Variants in MPP7 observed in about 807,000 individuals in gnomAD.
The protein encoded by MPP7 is MAGUK p55 subfamily member 7.
In MPP7, 60 loss-of-function variants were observed where a neutral mutation model predicts 76.5. That is an observed-to-expected ratio of 0.78 (90% CI 0.64 to 0.97). The LOEUF (loss-of-function observed/expected upper bound fraction) is 0.97, where lower values mean the gene tolerates loss of function less well. Among genes scored for constraint, MPP7 ranks in the 50% least tolerant of loss-of-function variants. The probability of loss-of-function intolerance (pLI) is 0.00; values close to 1 mark genes in which losing one functional copy is unlikely to be tolerated. For missense variants in MPP7, 641 were observed against 694.0 expected (o/e 0.92, Z 0.86); for synonymous variants, 237 against 244.5 (o/e 0.97, Z 0.29).
At chr10:28,241,179 C>T (rs576239270) in intron 1 of MPP7, among the ~76,000 whole-genome samples, 1 of 152,246 alleles carries the variant, frequency 6.6e-6, no homozygotes, top group Admixed American at 6.5e-5. Flanking sequence ...GAAACATTCA[C>T]ATTCCATTAA....
intron 3 of MPP7, among the ~76,000 whole-genome samples, chr10:28,170,103 TAA>T (rs1404722153): frequency 6.6e-6 from 1 of 152,188 alleles, no homozygotes; most frequent in Non-Finnish European, 1.5e-5. Context: ...TCCTATTATC[TAA>T]GAGTATTTTT....
intron 4 of MPP7, among the ~76,000 whole-genome samples, chr10:28,149,091 G>GT (rs886304701): frequency 6.6e-6 from 1 of 152,068 alleles, no homozygotes; most frequent in Non-Finnish European, 1.5e-5. Context: ...TTACATATGT[G>GT]TTTTTTCTAA....
chr10:28,132,073 T>C (rs1835211690), intron 5 of MPP7, among the ~76,000 whole-genome samples: 1 of 152,206 alleles, frequency 6.6e-6, no homozygotes, highest in African/African-American at 2.4e-5. Flanking sequence ...GGGCTAAAGA[T>C]GCAATGTCAA....
intron 1 of MPP7, among the ~76,000 whole-genome samples, chr10:28,249,792 C>T (rs957596638): frequency 1.3e-5 from 2 of 152,108 alleles, no homozygotes; most frequent in African/African-American, 4.8e-5. Context: ...AGAGCCTGCA[C>T]CTTCCCCTGG....
At chr10:28,243,898 G>T (rs1290893015) in intron 1 of MPP7, among the ~76,000 whole-genome samples, 1 of 152,102 alleles carries the variant, frequency 6.6e-6, no homozygotes, top group African/African-American at 2.4e-5. Flanking sequence ...AAATTTAATA[G>T]TTATTTTTAA....
chr10:28,267,752 C>T (rs1475065602), intron 1 of MPP7, among the ~76,000 whole-genome samples: 1 of 152,044 alleles, frequency 6.6e-6, no homozygotes, highest in African/African-American at 2.4e-5. Flanking sequence ...GAAAGAATAA[C>T]GAGCCAGGCA....
chr10:28,261,799 C>A (rs906639429), intron 1 of MPP7, among the ~76,000 whole-genome samples: 1 of 152,082 alleles, frequency 6.6e-6, no homozygotes, highest in Non-Finnish European at 1.5e-5. Flanking sequence ...GTAACCTCAA[C>A]ACTTTGGGAG....
chr10:28,159,596 A>G (rs1049962664), intron 3 of MPP7, among the ~76,000 whole-genome samples: 1 of 152,188 alleles, frequency 6.6e-6, no homozygotes, highest in Non-Finnish European at 1.5e-5. Context: ...AAGTTCATGA[A>G]GCAAATCATG....
At chr10:28,065,705 C>T (rs1243293828) in intron 13 of MPP7, among the ~76,000 whole-genome samples, 1 of 152,108 alleles carries the variant, frequency 6.6e-6, no homozygotes, top group Non-Finnish European at 1.5e-5. Flanking sequence ...TAAACTGGTA[C>T]CCTAGTTATA....
intron 2 of MPP7, among the ~76,000 whole-genome samples, chr10:28,235,899 T>C (rs1274923684): frequency 6.6e-6 from 1 of 152,110 alleles, no homozygotes; most frequent in African/African-American, 2.4e-5. Context: ...ACACAAAATG[T>C]AAATAAATTC....
At chr10:28,073,025 C>T (rs188932825) in intron 12 of MPP7, among the ~76,000 whole-genome samples, 29 of 152,330 alleles carry the variant, frequency 1.9e-4, no homozygotes, top group Non-Finnish European at 4.1e-4. Flanking sequence ...AGTAACATCA[C>T]GCATTCCTGG....
intron 1 of MPP7, among the ~76,000 whole-genome samples, chr10:28,299,942 A>AT (rs1427434346): frequency 6.6e-6 from 1 of 151,340 alleles, no homozygotes. Context: ...AATTTTTTCT[A>AT]TTTTTTAGTA....
In MPP7 at chr10:28,058,483, T is replaced by C. The variant is rs1205147457; in HGVS notation, c.1407+12A>G. On this transcript the variant is annotated intron_variant, in intron 15 of 16. Transcript: ENST00000683449. ...GGTCAGAAGGGTATTGAATAGCTCATTGTTTACTTACATGAGGCTGAACAT... is the reference window on the plus strand; with the variant it reads ...GGTCAGAAGGGTATTGAATAGCTCACTGTTTACTTACATGAGGCTGAACAT... 2.6e-6 allele frequency: 4 copies of C among 1,513,808 alleles called. No homozygotes were observed. The African/African-American group carries it at 4.1e-5, about 16-fold the overall frequency. The allele number at this position is 1,513,808 out of a possible 1,614,324, so 93.8% of individuals were successfully genotyped here. A position where few individuals can be genotyped will look rare whatever the true frequency, so the allele number is the denominator to read the frequency against.
chr10:28,130,332 T>C (rs558939947), intron 6 of MPP7, among the ~76,000 whole-genome samples: 7 of 152,068 alleles, frequency 4.6e-5, no homozygotes, highest in Non-Finnish European at 1.0e-4. Context: ...TGGTGAGTGG[T>C]TTGCTCTATA....
chr10:28,121,832 G>C (rs762836287), intron 8 of MPP7, among the ~76,000 whole-genome samples: 38 of 150,246 alleles, frequency 2.5e-4, no homozygotes, highest in Non-Finnish European at 5.2e-4. Flanking sequence ...AAAAGGCTCT[G>C]ATGTGTACTG....
intron 2 of MPP7, among the ~76,000 whole-genome samples, chr10:28,205,784 G>T (rs756533729): frequency 2.6e-5 from 4 of 152,306 alleles, no homozygotes; most frequent in African/African-American, 9.6e-5. Context: ...AAACACTTGA[G>T]TTAGGTCTTT....
chr10:28,159,239 G>A (rs945652969), intron 3 of MPP7, among the ~76,000 whole-genome samples: 3 of 152,154 alleles, frequency 2.0e-5, no homozygotes, highest in Non-Finnish European at 2.9e-5. Flanking sequence ...TTGTTGTCTA[G>A]AACAGTATAG....
chr10:28,228,892 C>A (rs575256617), intron 2 of MPP7, among the ~76,000 whole-genome samples: 1 of 152,092 alleles, frequency 6.6e-6, no homozygotes, highest in South Asian at 2.1e-4. Context: ...AAGAATTAAC[C>A]AAACAAGATA....
intron 11 of MPP7, among the ~76,000 whole-genome samples, chr10:28,108,471 A>T (rs1255106560): frequency 6.6e-6 from 1 of 152,066 alleles, no homozygotes; most frequent in East Asian, 1.9e-4. Flanking sequence ...CCTGGGCAAC[A>T]TGGTGAAACC....
Sources: allele counts gnomAD v4.1 joint callset (sites outside exome capture counted in the v4.1 genomes callset), GRCh38; gene constraint gnomAD v4.1.1; transcripts MANE v1.5; gene names NCBI Gene and HGNC (gene_info 2026-07-23, HGNC 2026-07-21).